The following MS4A6E variants were observed in gnomAD, a reference collection of about 807,000 sequenced individuals.
The protein encoded by MS4A6E is membrane-spanning 4-domains subfamily A member 6E.
MS4A6E carries 8 observed loss-of-function variants against 13.2 expected under a neutral mutation model. The ratio of observed to expected loss-of-function variants is 0.60; its 90% CI spans 0.35 to 1.09. The LOEUF (loss-of-function observed/expected upper bound fraction) is 1.09, where lower values mean the gene tolerates loss of function less well. Ranked by LOEUF, MS4A6E falls within the 50% of genes least tolerant of loss-of-function variation. MS4A6E has a pLI of 0.02. For missense variants in MS4A6E, 177 were observed against 171.1 expected (o/e 1.03, Z -0.19); for synonymous variants, 72 against 67.6 (o/e 1.06, Z -0.32).
intron 1 of MS4A6E, 68 bp from the exon 2 acceptor site, chr11:60,334,814 A>G: frequency 6.5e-7 from 1 of 1,538,250 alleles, no homozygotes. Context: ...AAACTGACTT[A>G]CCAGTTTTGC....
chr11:60,345,635 G>A (rs532327450), downstream of MS4A6E, among the ~76,000 whole-genome samples: 4 of 152,350 alleles, frequency 2.6e-5, no homozygotes, highest in African/African-American at 9.6e-5. Flanking sequence ...GTGTTTAGGT[G>A]AGAACAAGTG....
chr11:60,341,609 A>C (rs2085226160), downstream of MS4A6E, among the ~76,000 whole-genome samples: 1 of 152,160 alleles, frequency 6.6e-6, no homozygotes, highest in Admixed American at 6.6e-5. Flanking sequence ...ACACACACAC[A>C]CACACGTGTA....
chr11:60,346,144 A>G (rs2085255422), downstream of MS4A6E, among the ~76,000 whole-genome samples: 1 of 152,176 alleles, frequency 6.6e-6, no homozygotes, highest in Admixed American at 6.5e-5. Context: ...CTCTGGGAGC[A>G]GTCTGATCTC....
intron 3 of MS4A6E, among the ~76,000 whole-genome samples, chr11:60,338,342 G>T (rs1249821412): frequency 6.6e-6 from 1 of 152,178 alleles, no homozygotes; most frequent in African/African-American, 2.4e-5. Context: ...AATGTGGTAT[G>T]TGTGTGTGGT....
chr11:60,341,723 C>T (rs899454573), downstream of MS4A6E, among the ~76,000 whole-genome samples: 5 of 152,168 alleles, frequency 3.3e-5, no homozygotes, highest in African/African-American at 9.7e-5. Context: ...TACTCACTGT[C>T]TCAGATATCC....
At chr11:60,339,752 T>C in intron 3 of MS4A6E, 114 bp from the exon 4 acceptor site, 5 of 876,488 alleles carry the variant, frequency 5.7e-6, no homozygotes, top group Non-Finnish European at 9.5e-6. Context: ...GATTGTTTCC[T>C]TACTTCATTC....
At chr11:60,348,495 C>T (rs2085265514) in intron 4 of MS4A6E, among the ~76,000 whole-genome samples, 1 of 152,190 alleles carries the variant, frequency 6.6e-6, no homozygotes, top group Admixed American at 6.5e-5. Context: ...CCATAAAAAT[C>T]TGTGCAGCAT....
intron 2 of MS4A6E, chr11:60,335,604 C>A (rs1565156138): frequency 2.2e-6 from 1 of 455,392 alleles, no homozygotes; most frequent in South Asian, 1.6e-5. Flanking sequence ...GAGGGAAACA[C>A]AGAGTTTTGG....
chr11:60,331,693 T>C (rs531373653), intron 1 of MS4A6E, among the ~76,000 whole-genome samples: 2 of 152,212 alleles, frequency 1.3e-5, no homozygotes, highest in South Asian at 2.1e-4. Flanking sequence ...AATCAATTGA[T>C]TCGGGTGGTG....
In MS4A6E at chr11:60,327,297, G is replaced by A. The variant is rs1283971330; in HGVS notation, c.-126G>A. Among the ~76,000 whole-genome samples the A allele has an allele frequency of 1.3e-5, 2 of 152,208 alleles. No homozygotes were observed. The highest frequency in any genetic ancestry group is 4.8e-5 in the African/African-American group (2 of 41,450). On this transcript the variant is annotated 5_prime_UTR_variant, in exon 1 of 5. Coordinates refer to ENST00000684409, the MANE Select transcript of MS4A6E (RefSeq NM_139249.4). The stretch of plus-strand genomic sequence containing the variant: ...ATTCCACCATGTGAGGACACAGTTT[G>A]TCCTATCTGGAAGATGCAGCAACAA...
rs1410776470 is a variant in MS4A6E at position 60,334,957 on chromosome 11, T to C, written c.62T>C (p.Phe21Ser). The change falls in exon 2 of 5, where the codon TTC becomes TCC. Residue 21 changes from phenylalanine (F) to serine (S), a missense_variant. Transcript: ENST00000684409. ...IIMLPSNVIN[F>S]SQAEKPEPTN... ...ATGCTCCCATCAAATGTCATCAACT[T>C]CTCCCAAGCAGAGAAACCCGAACCC... is the stretch of plus-strand genomic sequence containing the variant. 2 of 1,614,086 alleles carry C rather than the reference T, an allele frequency of 1.2e-6. No homozygotes were observed. The highest frequency in any genetic ancestry group is 3.3e-5 in the Admixed American group (2 of 59,996).
At chr11:60,328,352 C>T (rs1308118817) in intron 1 of MS4A6E, among the ~76,000 whole-genome samples, 1 of 152,058 alleles carries the variant, frequency 6.6e-6, no homozygotes, top group African/African-American at 2.4e-5. Flanking sequence ...AAAGGTATGG[C>T]CAAGCTACTG....
intron 3 of MS4A6E, 50 bp downstream of exon 3, chr11:60,337,997 C>A (rs1470828725): frequency 6.4e-7 from 1 of 1,553,182 alleles, no homozygotes; most frequent in Admixed American, 1.7e-5. Context: ...TTTCTGAAAG[C>A]CTTGATTTCT....
At chr11:60,341,545 G>A (rs1489929524), downstream of MS4A6E, among the ~76,000 whole-genome samples, 8 of 151,994 alleles carry the variant, frequency 5.3e-5, no homozygotes, top group Non-Finnish European at 4.4e-5. Context: ...TAAAAAAGAC[G>A]AATTGTTTGA....
chr11:60,338,009 A>G, intron 3 of MS4A6E, 62 bp downstream of exon 3: 1 of 1,512,326 alleles, frequency 6.6e-7, no homozygotes, highest in Non-Finnish European at 9.1e-7. Context: ...TTGATTTCTT[A>G]TTATTCCATC....
intron 1 of MS4A6E, among the ~76,000 whole-genome samples, chr11:60,331,861 G>A (rs2085158122): frequency 6.6e-6 from 1 of 152,184 alleles, no homozygotes; most frequent in Non-Finnish European, 1.5e-5. Context: ...AGACCCCACA[G>A]AGCTCTCTTG....
downstream of MS4A6E, among the ~76,000 whole-genome samples, chr11:60,341,939 T>C (rs1390454763): frequency 6.6e-6 from 1 of 152,214 alleles, no homozygotes; most frequent in Non-Finnish European, 1.5e-5. Context: ...CCAGACACTA[T>C]GCTTTTAATG....
At chr11:60,342,992 T>C (rs2085237397), downstream of MS4A6E, among the ~76,000 whole-genome samples, 1 of 152,186 alleles carries the variant, frequency 6.6e-6, no homozygotes, top group South Asian at 2.1e-4. Flanking sequence ...GGACAGTGAC[T>C]CTTTCTGACT....
chr11:60,347,950 C>G (rs1444120425), intron 4 of MS4A6E, among the ~76,000 whole-genome samples: 1 of 152,126 alleles, frequency 6.6e-6, no homozygotes, highest in Non-Finnish European at 1.5e-5. Context: ...AGATTGAATT[C>G]TATATTTTGC....
Sources: gnomAD v4.1 joint callset for allele counts (sites outside exome capture counted in the v4.1 genomes callset) on GRCh38, gnomAD v4.1.1 for gene constraint, MANE v1.5 for transcripts, NCBI Gene and HGNC (gene_info 2026-07-23, HGNC 2026-07-21) for gene names.